Variants in LMCD1 observed in about 807,000 individuals in gnomAD.
The protein encoded by LMCD1 is LIM and cysteine rich domains 1, also known as LIM and cysteine-rich domains protein 1.
In LMCD1, 32 loss-of-function variants were observed where a neutral mutation model predicts 42.7. The ratio of observed to expected loss-of-function variants is 0.75; its 90% CI spans 0.57 to 1.01. The LOEUF (loss-of-function observed/expected upper bound fraction) is 1.01, where lower values mean the gene tolerates loss of function less well. LMCD1 is among the 50% of genes least tolerant of loss of function. The pLI is 0.00. For missense variants in LMCD1, 458 were observed against 483.1 expected, an observed-to-expected ratio of 0.95 and a Z score of 0.49; for synonymous variants, 178 against 184.9, an observed-to-expected ratio of 0.96 and a Z score of 0.30.
At chr3:8,502,321 T>TTATATATATAAAATATATATTA (rs374113478) in intron 1 of LMCD1, among the ~76,000 whole-genome samples, 2 of 25,760 alleles carry the variant, frequency 7.8e-5, no homozygotes, top group Admixed American at 8.1e-4. Context: ...AAAATATATA[T>TTATATATATAAAATATATATTA]TATATATAAT....
intron 1 of LMCD1, among the ~76,000 whole-genome samples, chr3:8,502,289 A>T (rs1321308681): frequency 4.5e-5 from 2 of 44,584 alleles, no homozygotes; most frequent in African/African-American, 9.7e-5. Context: ...AATATATATA[A>T]TATATATTAT....
At chr3:8,516,792 G>C (rs550549519) in intron 1 of LMCD1, among the ~76,000 whole-genome samples, 3 of 152,270 alleles carry the variant, frequency 2.0e-5, no homozygotes, top group South Asian at 2.1e-4. Context: ...TAGTTTGCTA[G>C]TAAGAAAAAT....
chr3:8,555,429 G>A (rs1486218031), intron 4 of LMCD1, among the ~76,000 whole-genome samples: 1 of 152,134 alleles, frequency 6.6e-6, no homozygotes, highest in Non-Finnish European at 1.5e-5. Context: ...AGGACAGGAG[G>A]GTAAGAGGCC....
chr3:8,543,440 T>TAGATAGATAGATAGATAGATAGAC (rs1414608408), intron 3 of LMCD1, among the ~76,000 whole-genome samples: 50 of 134,248 alleles, frequency 3.7e-4, no homozygotes, highest in East Asian at 1.3e-3. Flanking sequence ...GATAGATAGA[T>TAGATAGATAGATAGATAGATAGAC]AGACAGACAG....
intron 5 of LMCD1, among the ~76,000 whole-genome samples, chr3:8,566,053 G>T (rs1355011885): frequency 2.0e-5 from 3 of 152,164 alleles, no homozygotes; most frequent in African/African-American, 7.2e-5. Context: ...TGAGACCAGC[G>T]CCCATCCCAT....
At chr3:8,514,214 G>T (rs1458527374) in intron 1 of LMCD1, among the ~76,000 whole-genome samples, 1 of 152,090 alleles carries the variant, frequency 6.6e-6, no homozygotes, top group Non-Finnish European at 1.5e-5. Context: ...GTGAAGACTT[G>T]AATAAGCATG....
At chr3:8,545,832 C>A (rs1021801130) in intron 3 of LMCD1, among the ~76,000 whole-genome samples, 1 of 152,166 alleles carries the variant, frequency 6.6e-6, no homozygotes, top group Non-Finnish European at 1.5e-5. Context: ...AAGAGAAAAG[C>A]CACAGATAGA....
At chr3:8,515,574 C>G (rs946667682) in intron 1 of LMCD1, among the ~76,000 whole-genome samples, 5 of 152,226 alleles carry the variant, frequency 3.3e-5, no homozygotes, top group Non-Finnish European at 5.9e-5. Context: ...TCCTTGAGAA[C>G]AGAGACCATT....
intron 1 of LMCD1, among the ~76,000 whole-genome samples, chr3:8,505,841 A>G (rs1024251547): frequency 1.3e-5 from 2 of 152,208 alleles, no homozygotes; most frequent in African/African-American, 4.8e-5. Context: ...CAGTGTGCCA[A>G]ACTACTGGCA....
chr3:8,538,272 C>T (rs1314180420), intron 3 of LMCD1, among the ~76,000 whole-genome samples: 2 of 152,160 alleles, frequency 1.3e-5, no homozygotes, highest in East Asian at 3.9e-4. Flanking sequence ...AGTTCAGGGC[C>T]ATCCTGAGAT....
intron 5 of LMCD1, 37 bp downstream of exon 5, chr3:8,565,684 G>C (rs751604432): frequency 2.0e-6 from 3 of 1,535,854 alleles, no homozygotes; most frequent in Non-Finnish European, 2.6e-6. Context: ...GGGGGCTTGA[G>C]GGACACTGCT....
intron 1 of LMCD1, among the ~76,000 whole-genome samples, chr3:8,516,392 A>T (rs1559345826): frequency 6.6e-6 from 1 of 152,186 alleles, no homozygotes; most frequent in Non-Finnish European, 1.5e-5. Flanking sequence ...ATGAATATTT[A>T]TACCAAAATA....
Position 8,552,735 on chromosome 3 carries a change from G to A in LMCD1, c.723+3832G>A, listed in dbSNP as rs1000305109. 2.6e-5 allele frequency among the ~76,000 whole-genome samples: 4 copies of A among 152,248 alleles called. No homozygotes were observed. The East Asian group carries it at 7.7e-4, about 29-fold the overall frequency. On this transcript the variant is annotated intron_variant, in intron 4 of 5. Transcript: ENST00000157600. ...TGGCCTGCTGGCTCTATGTATGTAT[G>A]TATTTTGAGATGGAGTCTCACTCTG...
At chr3:8,537,491 T>C in intron 3 of LMCD1, 51 bp downstream of exon 3, 1 of 1,494,544 alleles carries the variant, frequency 6.7e-7, no homozygotes, top group Non-Finnish European at 8.9e-7. Flanking sequence ...TCATAAATAC[T>C]AGCCATGTCA....
intron 1 of LMCD1, among the ~76,000 whole-genome samples, chr3:8,508,337 G>T (rs1404367392): frequency 6.6e-6 from 1 of 151,958 alleles, no homozygotes; most frequent in African/African-American, 2.4e-5. Flanking sequence ...GGCCCCCACC[G>T]GGACATGCTT....
chr3:8,538,166 G>C (rs1390542066), intron 3 of LMCD1, among the ~76,000 whole-genome samples: 13 of 152,232 alleles, frequency 8.5e-5, no homozygotes, highest in African/African-American at 2.6e-4. Context: ...GACTCCCCGT[G>C]CAGCCACCTT....
At chr3:8,504,328 T>C (rs1447565926) in intron 1 of LMCD1, among the ~76,000 whole-genome samples, 1 of 152,216 alleles carries the variant, frequency 6.6e-6, no homozygotes, top group African/African-American at 2.4e-5. Flanking sequence ...TGCAACAGTA[T>C]GTGGGGGAGG....
intron 4 of LMCD1, among the ~76,000 whole-genome samples, chr3:8,549,549 C>T (rs1210488870): frequency 1.3e-5 from 2 of 152,178 alleles, no homozygotes; most frequent in African/African-American, 2.4e-5. Context: ...ATGCCATGAA[C>T]TTAGTTAGGA....
At chr3:8,541,642 G>A (rs1441707943) in intron 3 of LMCD1, among the ~76,000 whole-genome samples, 1 of 152,210 alleles carries the variant, frequency 6.6e-6, no homozygotes, top group Non-Finnish European at 1.5e-5. Context: ...CCTGCTAAAG[G>A]TTATGGGAAC....
Sources: gnomAD v4.1 joint callset for allele counts (sites outside exome capture counted in the v4.1 genomes callset) on GRCh38, gnomAD v4.1.1 for gene constraint, MANE v1.5 for transcripts, NCBI Gene and HGNC (gene_info 2026-07-23, HGNC 2026-07-21) for gene names.